ZNF320: variants seen among roughly 807,000 people sequenced by gnomAD.
ZNF320 encodes the protein zinc finger gene 320.
A neutral mutation model predicts 6.8 loss-of-function variants in ZNF320; 2 were observed. The observed-to-expected ratio is 0.29, with a 90% confidence interval of 0.12 to 0.93. The LOEUF is 0.93. Ranked by LOEUF, ZNF320 falls within the 40% of genes least tolerant of loss-of-function variation. The pLI is 0.55. For missense variants in ZNF320, 472 were observed against 611.0 expected (o/e 0.77, Z 2.40); for synonymous variants, 208 against 203.2 (o/e 1.02, Z -0.20).
upstream of ZNF320, among the ~76,000 whole-genome samples, chr19:52,899,038 T>C (rs1355932947): frequency 6.6e-6 from 1 of 152,248 alleles, no homozygotes; most frequent in African/African-American, 2.4e-5. Flanking sequence ...TAGTGGGAGT[T>C]CTTACTCTTG....
At position 52,892,826 on chromosome 19, in the gene ZNF320, C is replaced by T. The variant is rs370658215; in HGVS notation, c.-192+953G>A. Among the ~76,000 whole-genome samples the T allele has an allele frequency of 3.3e-3, 498 of 151,592 alleles. 2 individuals are homozygous for T. Among genetic ancestry groups the T allele is most frequent in the Middle Eastern group, 0.014 (4 of 294 alleles). ...CTGCTGTGCTTCTCCCTCTGTTCTCCTTGCCACCAGCACCACTCTGCTCTG... is the reference window on the plus strand; with the variant it reads ...CTGCTGTGCTTCTCCCTCTGTTCTCTTTGCCACCAGCACCACTCTGCTCTG... On this transcript the variant is annotated intron_variant, in intron 2 of 5. Transcript: ENST00000682928.
intron 2 of ZNF320, among the ~76,000 whole-genome samples, chr19:52,892,670 C>T (rs1298876108): frequency 6.6e-6 from 1 of 152,176 alleles, no homozygotes; most frequent in Non-Finnish European, 1.5e-5. Context: ...TTTAGATCAT[C>T]CTCAATCTCT....
chr19:52,872,502 A>ATTAT (rs562275717), downstream of ZNF320, among the ~76,000 whole-genome samples: 45 of 152,080 alleles, frequency 3.0e-4, no homozygotes, highest in South Asian at 2.9e-3. Context: ...CTCAGTATTT[A>ATTAT]TTATTTATTT....
upstream of ZNF320, among the ~76,000 whole-genome samples, chr19:52,898,920 G>A (rs2147914527): frequency 6.6e-6 from 1 of 152,324 alleles, no homozygotes; most frequent in South Asian, 2.1e-4. Flanking sequence ...GCCTGTCTTT[G>A]GTTTTACTTT....
chr19:52,864,539 G>A (rs955190706), intron 5 of ZNF320, among the ~76,000 whole-genome samples: 6 of 152,024 alleles, frequency 3.9e-5, no homozygotes, highest in Non-Finnish European at 4.4e-5. Context: ...TGGCTCAAGC[G>A]TGTAATCCCA....
chr19:52,881,302 C>T lies in ZNF320; in HGVS notation c.824G>A (p.Cys275Tyr), dbSNP rs1412926902. ...RLHTGEKPYK[C>Y]NECGKTFARN... ...AGCGAAGGTCTTGCCACACTCATTA[C>T]ATTTGTAAGGTTTCTCTCCAGTATG... Residue 275 changes from cysteine (C) to tyrosine (Y), a missense_variant, in exon 6 of 6, where the codon TGT (cysteine) becomes TAT (tyrosine). Physicochemically the swap from Cys to Tyr is radical, Grantham distance 194 (BLOSUM62 -2). This residue lies in a region of ZNF320 where 462 missense variants were observed against 559.7 expected (regional missense o/e 0.83). Coordinates refer to ENST00000682928, the MANE Select transcript of ZNF320 (RefSeq NM_001351774.2). 1 of 1,614,194 alleles carries T rather than the reference C, an allele frequency of 6.2e-7. No individual in the cohort carries two copies.
chr19:52,865,154 G>A (rs115256919), intron 5 of ZNF320, among the ~76,000 whole-genome samples: 3,357 of 151,708 alleles, frequency 0.022, 119 homozygotes, highest in African/African-American at 0.077. Context: ...AAACAACGTC[G>A]CTACTAAAAA....
rs773571738 is a variant in ZNF320 at position 52,890,289 on chromosome 19, G to T, written c.-34C>A. The T allele has an allele frequency of 6.2e-7, 1 of 1,603,150 alleles. No homozygotes were observed. Among genetic ancestry groups the T allele is most frequent in the Non-Finnish European group, 8.5e-7 (1 of 1,178,444 alleles). The stretch of plus-strand genomic sequence containing the variant: ...CCTTTGCTTTCCTCTTCCTCTTCTG[G>T]GTTTCTTCCTCAGGTACCAAGAGTC... On this transcript the variant is annotated 5_prime_UTR_variant, in exon 4 of 6. Transcript: ENST00000682928.
chr19:52,890,917 G>A (rs1365498257), intron 3 of ZNF320, among the ~76,000 whole-genome samples: 2 of 152,154 alleles, frequency 1.3e-5, no homozygotes, highest in Admixed American at 6.5e-5. Context: ...CTGGAAGGCC[G>A]AGGTGGGTGG....
chr19:52,865,477 T>TATATATATGTAATAC (rs1568692755), intron 5 of ZNF320: 17 of 43,978 alleles, frequency 3.9e-4, no homozygotes, highest in African/African-American at 1.3e-3. Context: ...ATATTACATA[T>TATATATATGTAATAC]ATATATAATA....
downstream of ZNF320, among the ~76,000 whole-genome samples, chr19:52,875,376 G>C (rs1314548487): frequency 6.6e-6 from 1 of 152,190 alleles, no homozygotes; most frequent in Non-Finnish European, 1.5e-5. Context: ...ACATGGGTAG[G>C]TGGGTTAAAG....
intron 5 of ZNF320, among the ~76,000 whole-genome samples, chr19:52,865,135 A>C (rs1442796793): frequency 6.6e-6 from 1 of 152,056 alleles, no homozygotes; most frequent in Non-Finnish European, 1.5e-5. Flanking sequence ...CAGCCTGGTC[A>C]AAGTGATGAA....
intron 5 of ZNF320, among the ~76,000 whole-genome samples, chr19:52,882,609 T>C (rs775541072): frequency 4.6e-5 from 7 of 152,202 alleles, no homozygotes; most frequent in Non-Finnish European, 5.9e-5. Context: ...ATCGCACCAC[T>C]GCACTCCAGC....
chr19:52,866,898 A>T (rs560304304), intron 5 of ZNF320, among the ~76,000 whole-genome samples: 22 of 150,856 alleles, frequency 1.5e-4, no homozygotes, highest in African/African-American at 4.4e-4. Flanking sequence ...AAAGAAAAGA[A>T]ATGACTAACA....
At chr19:52,865,090 G>C (rs1203344061) in intron 5 of ZNF320, among the ~76,000 whole-genome samples, 8 of 152,086 alleles carry the variant, frequency 5.3e-5, no homozygotes. Context: ...GGGAGGCAGA[G>C]GTGGGCAGAT....
intron 5 of ZNF320, among the ~76,000 whole-genome samples, chr19:52,867,079 T>C (rs1378148124): frequency 2.0e-5 from 3 of 151,950 alleles, no homozygotes; most frequent in Non-Finnish European, 4.4e-5. Flanking sequence ...GAAAACATAG[T>C]ATAAAACAAA....
chr19:52,887,950 GAACAT>G (rs1339466063), intron 5 of ZNF320, among the ~76,000 whole-genome samples, 172 bp downstream of exon 5: 2 of 152,198 alleles, frequency 1.3e-5, no homozygotes, highest in African/African-American at 4.8e-5. Flanking sequence ...GAAGAACGCA[GAACAT>G]CTAAACAAAG....
rs748900279 is a variant in ZNF320 at position 52,890,232 on chromosome 19, T to C, written c.15+9A>G. ...GAGACAGAACAATCCACCGAGAATA[T>C]CATCTCACCTGAGAAAGAGCCATCC... On this transcript the variant is annotated intron_variant, in intron 4 of 5. Coordinates refer to ENST00000682928, the MANE Select transcript of ZNF320 (RefSeq NM_001351774.2). 1 of 1,607,230 alleles carries C rather than the reference T, an allele frequency of 6.2e-7. No individual in the cohort carries two copies. The highest frequency in any genetic ancestry group is 2.2e-5 in the East Asian group (1 of 44,860).
chr19:52,893,486 A>G (rs367887785), intron 2 of ZNF320: 5 of 152,190 alleles, frequency 3.3e-5, no homozygotes, highest in African/African-American at 1.2e-4. Context: ...GCTCTCTACT[A>G]CAAGTACAAA....
Sources: gnomAD v4.1 joint callset for allele counts (sites outside exome capture counted in the v4.1 genomes callset) on GRCh38, gnomAD v4.1.1 for gene constraint, gnomAD v4.1.1 regional missense constraint, MANE v1.5 for transcripts, NCBI Gene and HGNC (gene_info 2026-07-23, HGNC 2026-07-21) for gene names.